The following CNTRL variants were observed in gnomAD, a reference collection of about 807,000 sequenced individuals.
The protein encoded by CNTRL is centriolin, also known as 110 kDa centrosomal protein.
Under a neutral mutation model 303.7 loss-of-function variants are expected in CNTRL, and 233 were observed. That is an observed-to-expected ratio of 0.77 (90% CI 0.69 to 0.86). CNTRL has a LOEUF of 0.86. CNTRL is among the 40% of genes least tolerant of loss of function. The pLI is 0.00. For synonymous variants in CNTRL, 900 were observed against 922.2 expected (o/e 0.98, Z 0.44); for missense variants, 2,524 against 2,650.6 (o/e 0.95, Z 1.05).
At chr9:121,168,883 G>A (rs2053196306) in intron 38 of CNTRL, among the ~76,000 whole-genome samples, 1 of 152,070 alleles carries the variant, frequency 6.6e-6, no homozygotes, top group South Asian at 2.1e-4. Flanking sequence ...GTGGGCTTGG[G>A]GATCTGAAAG....
Position 121,095,080 on chromosome 9 carries a change from A to T in CNTRL, c.479+62A>T. Reference sequence around the variant, plus strand: ...GATAGCTTTGTTAGAGAGGTAGATTAATGTTATCCACATTACTGAAAGAAT... The same window carrying T: ...GATAGCTTTGTTAGAGAGGTAGATTTATGTTATCCACATTACTGAAAGAAT... On this transcript the variant is annotated intron_variant, in intron 5 of 43. Coordinates refer to ENST00000373855, the MANE Select transcript of CNTRL (RefSeq NM_007018.6). 5 of 1,233,502 alleles carry T rather than the reference A, an allele frequency of 4.1e-6. No homozygotes were observed. In the South Asian group the frequency reaches 7.2e-5, roughly 18 times the overall value. The allele number at this position is 1,233,502 out of a possible 1,614,324, so 76.4% of individuals were successfully genotyped here. A position where few individuals can be genotyped will look rare whatever the true frequency, so the allele number is the denominator to read the frequency against.
At chr9:121,154,662 C>T (rs774457735) in intron 26 of CNTRL, 59 bp from the exon 27 acceptor site, 7 of 1,006,792 alleles carry the variant, frequency 7.0e-6, no homozygotes, top group Non-Finnish European at 1.1e-5. Flanking sequence ...AGTTAGGCTA[C>T]AAGTATCTGT....
Position 121,165,041 on chromosome 9 carries a change from T to C in CNTRL, c.5522T>C (p.Leu1841Pro), listed in dbSNP as rs749156136. The C allele has an allele frequency of 6.2e-7, 1 of 1,608,882 alleles. No individual in the cohort carries two copies. Among genetic ancestry groups the C allele is most frequent in the Admixed American group, 1.7e-5 (1 of 58,858 alleles). ...AAACTGCAGCAGGAACTAGACCAAC[T>C]AAACAGAGACAAGTTGTCACTGCAT... is the stretch of plus-strand genomic sequence containing the variant. ...VRKLQQELDQ[L>P]NRDKLSLHND... The change falls in exon 35 of 44, where the codon CTA becomes CCA. Residue 1841 changes from leucine to proline, a missense_variant. Leu to Pro is a moderately conservative substitution (Grantham distance 98). Coordinates refer to ENST00000373855, the MANE Select transcript of CNTRL (RefSeq NM_007018.6).
intron 7 of CNTRL, among the ~76,000 whole-genome samples, chr9:121,102,529 T>C (rs2049231512): frequency 6.6e-6 from 1 of 152,126 alleles, no homozygotes; most frequent in African/African-American, 2.4e-5. Flanking sequence ...TTCAACATAG[T>C]GTTGGAAATT....
At chr9:121,115,330 G>T in intron 11 of CNTRL, 130 bp downstream of exon 11, 1 of 503,364 alleles carries the variant, frequency 2.0e-6, no homozygotes. Context: ...AAATTTCAGA[G>T]TCAAATATGG....
rs2047907634 is a variant in CNTRL at position 121,076,006 on chromosome 9, A to T, written c.-205+939A>T. ...ATCCTATACAGCTAAATCTTTGAGG[A>T]TTTAAATTTGGTATTGTCTAAGTGT... On this transcript the variant is annotated intron_variant, in intron 1 of 43. Transcript: ENST00000373855. Among the ~76,000 whole-genome samples the T allele has an allele frequency of 2.0e-5, 3 of 152,344 alleles. No homozygotes were observed. In the East Asian group the frequency reaches 5.8e-4, roughly 29 times the overall value.
chr9:121,115,185 T>C lies in CNTRL; in HGVS notation c.1440T>C (p.Ala480=), dbSNP rs748387338. 119 of 1,583,578 alleles carry C rather than the reference T, an allele frequency of 7.5e-5. 3 individuals carry two copies. In the South Asian group the frequency reaches 1.3e-3, roughly 18 times the overall value. The change falls in exon 11 of 44, where the codon GCT becomes GCC. Residue 480 remains alanine, a synonymous_variant. Transcript: ENST00000373855. ...AAGAATTTAAACAACTGGAAGAAGC[T>C]ATACAACTAAAAAAGGTATGTAAAA... The part of the protein sequence containing the change: ...ATEEFKQLEE[A]IQLKKISEAG...
In CNTRL at chr9:121,160,241, A is replaced by C. The variant is rs1266138503; in HGVS notation, c.5028A>C (p.Glu1676Asp). 6.4e-7 allele frequency: 1 copy of C among 1,565,426 alleles called. No individual in the cohort carries two copies. The highest frequency in any genetic ancestry group is 2.4e-5 in the East Asian group (1 of 42,296). Residue 1676 changes from glutamate (E) to aspartate (D), a missense_variant, in exon 32 of 44, where the codon GAA (glutamate) becomes GAC (aspartate). Coordinates refer to ENST00000373855, the MANE Select transcript of CNTRL (RefSeq NM_007018.6). ...CTCAACTTACACTTATAAAGCAGGA[A>C]ATTGAAAAAGAGGAAGAAAATCTTC... The part of the protein sequence containing the change: ...RKTQLTLIKQ[E>D]IEKEEENLQV...
chr9:121,100,829 G>A (rs903439862), intron 7 of CNTRL, among the ~76,000 whole-genome samples: 1 of 152,196 alleles, frequency 6.6e-6, no homozygotes, highest in African/African-American at 2.4e-5. Context: ...TTACATAATG[G>A]TAAAGGGATC....
chr9:121,127,719 T>A (rs968671390), intron 14 of CNTRL, among the ~76,000 whole-genome samples: 1 of 152,076 alleles, frequency 6.6e-6, no homozygotes, highest in Non-Finnish European at 1.5e-5. Flanking sequence ...TAGGTATACA[T>A]GTTTCACGTT....
chr9:121,154,633 C>A (rs1418642118), intron 26 of CNTRL, 88 bp from the exon 27 acceptor site: 3 of 745,352 alleles, frequency 4.0e-6, no homozygotes, highest in Admixed American at 2.8e-5. Flanking sequence ...ATTAGAAAAT[C>A]ATTGTAGATC....
intron 6 of CNTRL, 140 bp downstream of exon 6, chr9:121,096,703 T>A (rs372054725): frequency 1.7e-6 from 1 of 600,266 alleles, no homozygotes. Flanking sequence ...ACATAGCCCA[T>A]GATTTTCTAG....
At position 121,142,086 on chromosome 9, in the gene CNTRL, C is replaced by T. The variant is rs2051548125; in HGVS notation, c.2692-5C>T. Reference sequence around the variant, plus strand: ...AATCATTCTTGAAATTGTATTTCTTCACAGATGAATTTTGATAAGAGGCAA... The same window carrying T: ...AATCATTCTTGAAATTGTATTTCTTTACAGATGAATTTTGATAAGAGGCAA... On this transcript the variant is annotated splice_polypyrimidine_tract_variant and splice_region_variant and intron_variant, in intron 18 of 43. Coordinates refer to ENST00000373855, the MANE Select transcript of CNTRL (RefSeq NM_007018.6). 6.4e-7 allele frequency: 1 copy of T among 1,560,682 alleles called. No individual in the cohort carries two copies. The highest frequency in any genetic ancestry group is 8.6e-7 in the Non-Finnish European group (1 of 1,156,956).
chr9:121,103,201 A>T (rs1564207755), intron 7 of CNTRL, among the ~76,000 whole-genome samples: 1 of 152,216 alleles, frequency 6.6e-6, no homozygotes, highest in East Asian at 1.9e-4. Flanking sequence ...CAAAACAGAG[A>T]TATAGACCAA....
intron 14 of CNTRL, among the ~76,000 whole-genome samples, chr9:121,134,296 T>A (rs201361147): frequency 9.9e-4 from 136 of 136,778 alleles, no homozygotes; most frequent in Middle Eastern, 3.5e-3. Context: ...CATTATTATT[T>A]TTTTTTTTTT....
At chr9:121,125,585 G>A in intron 13 of CNTRL, 131 bp from the exon 14 acceptor site, 1 of 777,922 alleles carries the variant, frequency 1.3e-6, no homozygotes, top group Non-Finnish European at 2.1e-6. Flanking sequence ...TTAACATTAT[G>A]TTTTGAAAAA....
intron 14 of CNTRL, among the ~76,000 whole-genome samples, chr9:121,131,659 A>T (rs915021062): frequency 6.6e-6 from 1 of 152,122 alleles, no homozygotes; most frequent in African/African-American, 2.4e-5. Flanking sequence ...TTATGTGTGG[A>T]TTTGATCCTG....
intron 1 of CNTRL, among the ~76,000 whole-genome samples, chr9:121,076,784 T>C (rs545851790): frequency 6.6e-6 from 1 of 152,016 alleles, no homozygotes; most frequent in South Asian, 2.1e-4. Flanking sequence ...TGCAGAGGAA[T>C]CGGAATCAGG....
In CNTRL at chr9:121,173,448, C is replaced by G. The variant is rs767194214; in HGVS notation, c.6623C>G (p.Pro2208Arg). The G allele has an allele frequency of 6.2e-7, 1 of 1,613,904 alleles. No individual in the cohort carries two copies. The highest frequency in any genetic ancestry group is 1.1e-5 in the South Asian group (1 of 91,066). ...GELESLKENL[P>R]FTMNEGPFEE... ...TTGGAAAGCTTGAAAGAGAACCTTC[C>G]ATTTACCATGAATGAGGGACCTTTT... Residue 2208 changes from proline to arginine, a missense_variant, in exon 41 of 44, where the codon CCA (proline) becomes CGA (arginine). By Grantham distance (103) the Pro-to-Arg change is moderately radical. Coordinates refer to ENST00000373855, the MANE Select transcript of CNTRL (RefSeq NM_007018.6).
Sources: allele counts gnomAD v4.1 joint callset (sites outside exome capture counted in the v4.1 genomes callset), GRCh38; gene constraint gnomAD v4.1.1; transcripts MANE v1.5; gene names NCBI Gene and HGNC (gene_info 2026-07-23, HGNC 2026-07-21).